Variants in MAD1L1 observed in about 807,000 individuals in gnomAD.
MAD1L1 encodes the protein mitotic spindle assembly checkpoint protein MAD1.
A neutral mutation model predicts 96.9 loss-of-function variants in MAD1L1; 95 were observed. That is an observed-to-expected ratio of 0.98 (90% CI 0.83 to 1.16). The LOEUF is 1.16. Ranked by LOEUF, MAD1L1 falls within the 50% of genes most tolerant of loss-of-function variation. The probability of loss-of-function intolerance (pLI) is 0.00; values close to 1 mark genes in which losing one functional copy is unlikely to be tolerated. For missense variants in MAD1L1, 1,007 were observed against 954.4 expected (o/e 1.06, Z -0.73); for synonymous variants, 473 against 396.6 (o/e 1.19, Z -2.29).
At chr7:2,193,877 C>G (rs2128608121) in intron 10 of MAD1L1, among the ~76,000 whole-genome samples, 1 of 148,524 alleles carries the variant, frequency 6.7e-6, no homozygotes, top group South Asian at 2.1e-4. Flanking sequence ...GTGTGGGCAG[C>G]AAAAGGCTCT....
rs971055700 is a variant in MAD1L1 at position 2,142,379 on chromosome 7, C to T, written c.1073+6773G>A. On this transcript the variant is annotated intron_variant, in intron 11 of 18. Transcript: ENST00000265854. This position sits in a 1 kb window ranked among gnomAD's most constrained non-coding sequence, Gnocchi z 4.7. ...GGGTTGGGGGCTGAGGCCTCTATGG[C>T]GCAGGTGCACTGTGCGTCCCAGGCA... 2.6e-5 allele frequency among the ~76,000 whole-genome samples: 4 copies of T among 152,194 alleles called. No homozygotes were observed. The highest frequency in any genetic ancestry group is 4.8e-5 in the African/African-American group (2 of 41,456).
chr7:2,059,478 G>A (rs1418840953), intron 12 of MAD1L1, among the ~76,000 whole-genome samples: 1 of 151,740 alleles, frequency 6.6e-6, no homozygotes, highest in Non-Finnish European at 1.5e-5. Context: ...GGGCTGGAGA[G>A]GGATTGTGGC....
intron 11 of MAD1L1, among the ~76,000 whole-genome samples, chr7:2,147,996 G>T (rs576273124): frequency 6.6e-6 from 1 of 152,158 alleles, no homozygotes; most frequent in Non-Finnish European, 1.5e-5. Flanking sequence ...GATGAGGATC[G>T]CCTGGTAAAG....
intron 12 of MAD1L1, among the ~76,000 whole-genome samples, chr7:2,030,951 A>G (rs1368326603): frequency 6.6e-6 from 1 of 152,122 alleles, no homozygotes; most frequent in Non-Finnish European, 1.5e-5. Flanking sequence ...CACAAGTCTC[A>G]TTACAAGGTT....
intron 11 of MAD1L1, among the ~76,000 whole-genome samples, chr7:2,124,201 G>A (rs963000649): frequency 6.6e-5 from 10 of 152,190 alleles, no homozygotes; most frequent in East Asian, 3.9e-4. Context: ...GCAGGCCATC[G>A]GGCAGCGGTG....
chr7:1,938,562 T>C (rs186300585), intron 16 of MAD1L1, among the ~76,000 whole-genome samples: 1 of 151,872 alleles, frequency 6.6e-6, no homozygotes, highest in African/African-American at 2.4e-5. Flanking sequence ...AAGTCAGAAA[T>C]AACCAAGGGC....
At chr7:2,079,079 C>T (rs951500975) in intron 11 of MAD1L1, among the ~76,000 whole-genome samples, 1 of 152,192 alleles carries the variant, frequency 6.6e-6, no homozygotes, top group African/African-American at 2.4e-5. Flanking sequence ...GTGAATGCCT[C>T]GCTGAAGACT....
In MAD1L1 at chr7:2,025,825, A is replaced by G. The variant is rs78235638; in HGVS notation, c.1219-11183T>C. Among the ~76,000 whole-genome samples, 1,079 of 152,336 alleles carry G rather than the reference A, an allele frequency of 7.1e-3. 46 individuals are homozygous for G. The East Asian group carries it at 0.14, about 19-fold the overall frequency. On this transcript the variant is annotated intron_variant, in intron 12 of 18. Transcript: ENST00000265854. ...TAGACTTTGTTAAGTATATAATAATAGTCTATCTTATAATCACCAACATAG... is the reference window on the plus strand; with the variant it reads ...TAGACTTTGTTAAGTATATAATAATGGTCTATCTTATAATCACCAACATAG...
chr7:2,045,941 C>T (rs912213013), intron 12 of MAD1L1, among the ~76,000 whole-genome samples: 1 of 152,216 alleles, frequency 6.6e-6, no homozygotes, highest in Non-Finnish European at 1.5e-5. Context: ...CACACGTCCC[C>T]TGCACCACAG....
intron 12 of MAD1L1, among the ~76,000 whole-genome samples, chr7:2,060,153 A>G (rs1784578840): frequency 6.7e-6 from 1 of 150,220 alleles, no homozygotes; most frequent in African/African-American, 2.5e-5. Flanking sequence ...ATGCCAAGAT[A>G]CGCCGAAGCC....
At chr7:2,194,657 C>A (rs1252807364) in intron 10 of MAD1L1, among the ~76,000 whole-genome samples, 2 of 152,156 alleles carry the variant, frequency 1.3e-5, no homozygotes, top group African/African-American at 2.4e-5. Flanking sequence ...ACAGAAAAAA[C>A]GTACCAGACT....
intron 17 of MAD1L1, among the ~76,000 whole-genome samples, chr7:1,914,737 C>T (rs1009687447): frequency 6.6e-6 from 1 of 152,166 alleles, no homozygotes; most frequent in African/African-American, 2.4e-5. Flanking sequence ...CCTCAGCCTC[C>T]AGAGTAGCTG....
rs1333880290 is a variant in MAD1L1 at position 2,069,344 on chromosome 7, T to C, written c.1074-6A>G. 3.2e-6 allele frequency: 5 copies of C among 1,585,444 alleles called. No individual in the cohort carries two copies. In the African/African-American group the frequency reaches 5.4e-5, roughly 17 times the overall value. ...CCTTCTCCAGCCCCCGGGCGCTGCA[T>C]GGGAGAGACAAGAGGGCAAAGCAAT... On this transcript the variant is annotated splice_polypyrimidine_tract_variant and splice_region_variant and intron_variant, in intron 11 of 18. Transcript: ENST00000265854.
Position 1,968,992 on chromosome 7 carries a change from A to C in MAD1L1, c.1506-11273T>G, listed in dbSNP as rs371998951. On this transcript the variant is annotated intron_variant, in intron 15 of 18. Transcript: ENST00000265854. This position sits in a 1 kb window ranked among gnomAD's most constrained non-coding sequence, Gnocchi z 5.6. ...ATGGCAGCGTGAGATGTCAACAGCG[A>C]GAGAAACCGGGTGAAGAGGGTATGA... Among the ~76,000 whole-genome samples the C allele has an allele frequency of 6.6e-6, 1 of 152,242 alleles. No individual in the cohort carries two copies. The highest frequency in any genetic ancestry group is 1.5e-5 in the Non-Finnish European group (1 of 68,042).
chr7:2,124,012 GC>G (rs1251323559), intron 11 of MAD1L1, among the ~76,000 whole-genome samples: 1 of 152,228 alleles, frequency 6.6e-6, no homozygotes, highest in Non-Finnish European at 1.5e-5. Context: ...TTCCTGGGAA[GC>G]CCCCTGTAGC....
rs139002663 is a variant in MAD1L1 at position 2,139,855 on chromosome 7, T to G, written c.1073+9297A>C. Among the ~76,000 whole-genome samples the G allele has an allele frequency of 7.0e-3, 1,063 of 152,292 alleles. 5 individuals carry two copies. The highest frequency in any genetic ancestry group is 0.012 in the Non-Finnish European group (807 of 68,016). On this transcript the variant is annotated intron_variant, in intron 11 of 18. Transcript: ENST00000265854. ...TAGGCCTGAGATGATAAAAAACAATTTTATGCCTAAAAATATTAAAAAGTA... is the reference window on the plus strand; with the variant it reads ...TAGGCCTGAGATGATAAAAAACAATGTTATGCCTAAAAATATTAAAAAGTA...
Position 2,119,685 on chromosome 7 carries a change from C to T in MAD1L1, c.1073+29467G>A, listed in dbSNP as rs1484768206. The stretch of plus-strand genomic sequence containing the variant: ...GTAACCTGTGCTGAGTGACAATGCA[C>T]CCCGAAACCCAGAGTGCTCCTGAGG... On this transcript the variant is annotated intron_variant, in intron 11 of 18. Coordinates refer to ENST00000265854, the MANE Select transcript of MAD1L1 (RefSeq NM_001013836.2). The surrounding 1 kb of genome is among the most constrained non-coding windows in gnomAD (Gnocchi z 4.6). Among the ~76,000 whole-genome samples, 4 of 152,264 alleles carry T rather than the reference C, an allele frequency of 2.6e-5. No individual in the cohort carries two copies. Among genetic ancestry groups the T allele is most frequent in the Non-Finnish European group, 4.4e-5 (3 of 68,008 alleles).
chr7:1,948,470 G>A (rs1481351314), intron 16 of MAD1L1, among the ~76,000 whole-genome samples: 8 of 152,232 alleles, frequency 5.3e-5, no homozygotes, highest in Non-Finnish European at 8.8e-5. Context: ...CAAACCAGTG[G>A]AGCCGGGACA....
chr7:1,886,988 C>T (rs1341997114), intron 18 of MAD1L1, among the ~76,000 whole-genome samples: 1 of 152,262 alleles, frequency 6.6e-6, no homozygotes, highest in African/African-American at 2.4e-5. Flanking sequence ...CTGTCAGTGA[C>T]CGCATGGCAG....
Sources: gnomAD v4.1 joint callset for allele counts (sites outside exome capture counted in the v4.1 genomes callset) on GRCh38, gnomAD v4.1.1 for gene constraint, Gnocchi (gnomAD v3.1) non-coding constraint, MANE v1.5 for transcripts, NCBI Gene and HGNC (gene_info 2026-07-23, HGNC 2026-07-21) for gene names.